BABAM2: variants seen among roughly 807,000 people sequenced by gnomAD.
BABAM2 encodes the protein BRISC and BRCA1 A complex member 2.
A neutral mutation model predicts 54.7 loss-of-function variants in BABAM2; 31 were observed. The ratio of observed to expected loss-of-function variants is 0.57; its 90% confidence interval spans 0.43 to 0.77. The LOEUF is 0.77. BABAM2 is among the 30% of genes least tolerant of loss of function. BABAM2 has a pLI of 0.00. For synonymous variants in BABAM2, 167 were observed against 162.9 expected (o/e 1.03, Z -0.19); for missense variants, 364 against 455.8 (o/e 0.80, Z 1.83).
At position 27,894,485 on chromosome 2, in the gene BABAM2, C is replaced by T. The variant is rs1409270153; in HGVS notation, c.-24-48C>T. The T allele has an allele frequency of 2.6e-6, 4 of 1,553,688 alleles. No homozygotes were observed. The Admixed American group carries it at 6.7e-5, about 26-fold the overall frequency. On this transcript the variant is annotated intron_variant, in intron 1 of 11. Transcript: ENST00000379624. ...CCAGTTTTCAGGCAGAGTGTTGTAT[C>T]TAGTCCATTTGTAAGCCCTGATCAT...
At chr2:28,213,097 C>T (rs1345485956) in intron 7 of BABAM2, among the ~76,000 whole-genome samples, 3 of 151,922 alleles carry the variant, frequency 2.0e-5, no homozygotes, top group Non-Finnish European at 2.9e-5. Flanking sequence ...TGTGGTGGCA[C>T]GCACCTGTGG....
intron 6 of BABAM2, among the ~76,000 whole-genome samples, chr2:28,062,280 A>T (rs1357722378): frequency 6.7e-6 from 1 of 150,024 alleles, no homozygotes; most frequent in Non-Finnish European, 1.5e-5. Context: ...AAAACAAAAA[A>T]CCTGGCCGGG....
chr2:27,903,665 C>T (rs778393673), intron 2 of BABAM2, among the ~76,000 whole-genome samples: 23 of 152,174 alleles, frequency 1.5e-4, no homozygotes, highest in African/African-American at 9.7e-5. Flanking sequence ...AGTCAGAACA[C>T]GTTTATGTTG....
At chr2:28,164,160 C>G (rs1673392306) in intron 7 of BABAM2, among the ~76,000 whole-genome samples, 1 of 152,228 alleles carries the variant, frequency 6.6e-6, no homozygotes, top group Non-Finnish European at 1.5e-5. Context: ...CTGGTCACTT[C>G]TGTGCATTCC....
chr2:27,985,945 G>A (rs1672366667), intron 3 of BABAM2, among the ~76,000 whole-genome samples: 1 of 152,152 alleles, frequency 6.6e-6, no homozygotes, highest in Admixed American at 6.6e-5. Flanking sequence ...AATTTCAGAA[G>A]TAACAATGAT....
chr2:28,215,014 AT>A (rs1679804881), intron 7 of BABAM2, among the ~76,000 whole-genome samples: 1 of 152,134 alleles, frequency 6.6e-6, no homozygotes, highest in Non-Finnish European at 1.5e-5. Flanking sequence ...GTCAAGCAGA[AT>A]TTATTATATA....
chr2:28,102,704 A>T (rs1483123242), intron 6 of BABAM2, among the ~76,000 whole-genome samples: 1 of 152,214 alleles, frequency 6.6e-6, no homozygotes, highest in African/African-American at 2.4e-5. Context: ...AACTTATTTC[A>T]CATGTTACCA....
chr2:28,270,297 T>G (rs1419514762), intron 10 of BABAM2, among the ~76,000 whole-genome samples: 1 of 152,154 alleles, frequency 6.6e-6, no homozygotes, highest in Non-Finnish European at 1.5e-5. Context: ...GATTTTTTAT[T>G]TTTTGTAGAG....
At position 28,322,431 on chromosome 2, in the gene BABAM2, C is replaced by T. The variant is rs529003789; in HGVS notation, c.1089-16019C>T. On this transcript the variant is annotated intron_variant, in intron 11 of 11. Coordinates refer to ENST00000379624, the MANE Select transcript of BABAM2 (RefSeq NM_199191.3). This position sits in a 1 kb window ranked among gnomAD's most constrained non-coding sequence, Gnocchi z 4.1. The stretch of plus-strand genomic sequence containing the variant: ...AGTTTCAAGGGGACAGATTCCAGTT[C>T]GGGAGAGAGAAGAACCCTGTAACTC... 2.6e-5 allele frequency among the ~76,000 whole-genome samples: 4 copies of T among 152,340 alleles called. No individual in the cohort carries two copies. The highest frequency in any genetic ancestry group is 4.8e-5 in the African/African-American group (2 of 41,578).
intron 3 of BABAM2, among the ~76,000 whole-genome samples, chr2:27,972,760 T>A (rs912110394): frequency 2.2e-5 from 3 of 138,738 alleles, no homozygotes; most frequent in East Asian, 4.3e-4. Context: ...TTTATTATTA[T>A]TTTAATTATT....
chr2:28,269,466 C>G (rs548425613), intron 10 of BABAM2, among the ~76,000 whole-genome samples: 1 of 152,332 alleles, frequency 6.6e-6, no homozygotes, highest in Admixed American at 6.5e-5. Flanking sequence ...CATTTTATTG[C>G]AACCCAGATA....
At chr2:28,320,321 C>T (rs576486194) in intron 11 of BABAM2, among the ~76,000 whole-genome samples, 2 of 152,338 alleles carry the variant, frequency 1.3e-5, no homozygotes, top group South Asian at 4.1e-4. Flanking sequence ...CCCAAATGTG[C>T]AGAGCACCAT....
Position 28,158,607 on chromosome 2 carries a change from C to T in BABAM2, c.680+29227C>T, listed in dbSNP as rs76530030. Among the ~76,000 whole-genome samples, 1,199 of 152,318 alleles carry T rather than the reference C, an allele frequency of 7.9e-3. 18 individuals are homozygous for T. The highest frequency in any genetic ancestry group is 0.027 in the African/African-American group (1,111 of 41,576). Reference sequence around the variant, plus strand: ...ATATCCATGCTTGAATTTGTATTCTCCATTTCTTGGACCATTCTGCTGTTT... The same window carrying T: ...ATATCCATGCTTGAATTTGTATTCTTCATTTCTTGGACCATTCTGCTGTTT... On this transcript the variant is annotated intron_variant, in intron 7 of 11. Coordinates refer to ENST00000379624, the MANE Select transcript of BABAM2 (RefSeq NM_199191.3).
chr2:28,159,304 C>G (rs535181824), intron 7 of BABAM2, among the ~76,000 whole-genome samples: 42 of 151,870 alleles, frequency 2.8e-4, no homozygotes, highest in African/African-American at 7.7e-4. Context: ...ACAGAAGTAA[C>G]TAACTTGGAC....
chr2:28,149,165 A>G (rs925620815), intron 7 of BABAM2, among the ~76,000 whole-genome samples: 16 of 152,364 alleles, frequency 1.1e-4, no homozygotes, highest in Non-Finnish European at 2.1e-4. Context: ...TATTTTAAAA[A>G]AATTAAGCCG....
At position 28,075,830 on chromosome 2, in the gene BABAM2, G is replaced by T. The variant is rs1254134665; in HGVS notation, c.570+30031G>T. Among the ~76,000 whole-genome samples the T allele has an allele frequency of 2.0e-5, 3 of 152,074 alleles. No individual in the cohort carries two copies. In the East Asian group the frequency reaches 5.8e-4, roughly 29 times the overall value. ...TTATTTTCACTTCATTTGAATGAGA[G>T]ACTCTGTACTTCCACATTGTCTCAT... is the stretch of plus-strand genomic sequence containing the variant. On this transcript the variant is annotated intron_variant, in intron 6 of 11. Transcript: ENST00000379624.
intron 3 of BABAM2, among the ~76,000 whole-genome samples, chr2:27,963,469 C>CAAAA (rs760525051): frequency 1.3e-4 from 7 of 54,398 alleles, no homozygotes; most frequent in African/African-American, 3.1e-4. Context: ...GACTCTTTCT[C>CAAAA]AAAAAAAAAA....
chr2:27,888,792 A>G (rs911829794), upstream of BABAM2, among the ~76,000 whole-genome samples: 28 of 152,102 alleles, frequency 1.8e-4, 1 homozygote, highest in Non-Finnish European at 2.8e-4. Flanking sequence ...ATGTTGTTAA[A>G]AAAAAATGTG....
intron 7 of BABAM2, among the ~76,000 whole-genome samples, chr2:28,149,175 G>T (rs779461837): frequency 2.6e-5 from 4 of 152,120 alleles, no homozygotes; most frequent in Non-Finnish European, 5.9e-5. Context: ...AAATTAAGCC[G>T]AGTATAACTT....
Sources: allele counts gnomAD v4.1 joint callset (sites outside exome capture counted in the v4.1 genomes callset), GRCh38; gene constraint gnomAD v4.1.1; non-coding constraint Gnocchi (gnomAD v3.1); transcripts MANE v1.5; gene names NCBI Gene and HGNC (gene_info 2026-07-23, HGNC 2026-07-21).